The following LRFN2 variants were observed in gnomAD, a reference collection of about 807,000 sequenced individuals.
LRFN2 encodes the protein leucine-rich repeat and fibronectin type-III domain-containing protein 2.
A neutral mutation model predicts 37.3 loss-of-function variants in LRFN2; 18 were observed. The observed-to-expected ratio is 0.48, with a 90% confidence interval of 0.33 to 0.72. LRFN2 has a LOEUF of 0.72. LRFN2 is among the 30% of genes least tolerant of loss of function. The pLI is 0.02. For synonymous variants in LRFN2, 556 were observed against 466.6 expected (o/e 1.19, Z -2.47); for missense variants, 1,006 against 1,060.7 (o/e 0.95, Z 0.72).
chr6:40,434,410 T>A (rs1444506267), intron 1 of LRFN2, among the ~76,000 whole-genome samples: 1 of 152,248 alleles, frequency 6.6e-6, no homozygotes, highest in Non-Finnish European at 1.5e-5. Flanking sequence ...AGTTGGACTT[T>A]TGGAAAATCA....
At chr6:40,524,527 C>T (rs909733998) in intron 1 of LRFN2, among the ~76,000 whole-genome samples, 5 of 152,098 alleles carry the variant, frequency 3.3e-5, no homozygotes, top group African/African-American at 9.7e-5. Context: ...TCTGGGGTCC[C>T]ATTTTTGTAC....
intron 1 of LRFN2, among the ~76,000 whole-genome samples, chr6:40,535,125 AAGAG>A (rs1040091482): frequency 3.3e-5 from 5 of 152,298 alleles, no homozygotes; most frequent in Admixed American, 1.3e-4. Flanking sequence ...TAAGGTCAAG[AAGAG>A]AGAGTTTCTA....
At chr6:40,395,903 T>A (rs2916255) in intron 2 of LRFN2, among the ~76,000 whole-genome samples, 1 of 152,142 alleles carries the variant, frequency 6.6e-6, no homozygotes, top group Non-Finnish European at 1.5e-5. Context: ...TGGATGGACA[T>A]CCTTGTTTAC....
At chr6:40,512,306 C>T (rs1292729389) in intron 1 of LRFN2, among the ~76,000 whole-genome samples, 1 of 152,214 alleles carries the variant, frequency 6.6e-6, no homozygotes, top group East Asian at 1.9e-4. Context: ...AACACTGCCA[C>T]ATTCTGTCAA....
At chr6:40,429,110 T>C (rs576837037) in intron 2 of LRFN2, among the ~76,000 whole-genome samples, 65 of 152,346 alleles carry the variant, frequency 4.3e-4, no homozygotes, top group African/African-American at 1.5e-3. Context: ...GAAGTCACCA[T>C]TGTTAGCTGC....
At chr6:40,397,161 C>T (rs2070191645) in intron 2 of LRFN2, among the ~76,000 whole-genome samples, 1 of 152,208 alleles carries the variant, frequency 6.6e-6, no homozygotes, top group African/African-American at 2.4e-5. Context: ...CATCTCTGAC[C>T]TGTGTCCCCC....
Position 40,542,618 on chromosome 6 carries a change from G to A in LRFN2, c.-19+44323C>T, listed in dbSNP as rs570347871. ...CACCCTGGGCCTCTGAGCTGGGTGG[G>A]GTGGAGGGAAGTGAGATACTAAAGG... On this transcript the variant is annotated intron_variant, in intron 1 of 2. Transcript: ENST00000338305. Among the ~76,000 whole-genome samples, 314 of 152,254 alleles carry A rather than the reference G, an allele frequency of 2.1e-3. 1 individual carries two copies. Among genetic ancestry groups the A allele is most frequent in the Non-Finnish European group, 3.1e-3 (214 of 68,012 alleles).
At chr6:40,459,806 A>G (rs2113849056) in intron 1 of LRFN2, among the ~76,000 whole-genome samples, 1 of 152,312 alleles carries the variant, frequency 6.6e-6, no homozygotes, top group African/African-American at 2.4e-5. Flanking sequence ...TAATGAGAAC[A>G]TTTAATCTTT....
At chr6:40,416,917 C>T (rs1763105768) in intron 2 of LRFN2, among the ~76,000 whole-genome samples, 1 of 152,212 alleles carries the variant, frequency 6.6e-6, no homozygotes. Flanking sequence ...AAACAGGGTT[C>T]TGTTCTTAGG....
intron 1 of LRFN2, among the ~76,000 whole-genome samples, chr6:40,479,894 G>T (rs1764789011): frequency 2.0e-5 from 3 of 152,190 alleles, no homozygotes; most frequent in Admixed American, 1.3e-4. Context: ...AAATAAGTTT[G>T]GAAAAAATAA....
intron 2 of LRFN2, among the ~76,000 whole-genome samples, chr6:40,419,735 C>T (rs761171581): frequency 9.2e-5 from 14 of 152,108 alleles, no homozygotes; most frequent in East Asian, 1.9e-4. Context: ...ACCCTGACCC[C>T]GCACAGCCTC....
intron 1 of LRFN2, among the ~76,000 whole-genome samples, chr6:40,495,101 C>T (rs1765195065): frequency 6.6e-6 from 1 of 152,222 alleles, no homozygotes; most frequent in South Asian, 2.1e-4. Flanking sequence ...ACCTTTGAAC[C>T]TTTCCAGGTA....
At chr6:40,423,871 G>GT in intron 2 of LRFN2, among the ~76,000 whole-genome samples, 1 of 152,178 alleles carries the variant, frequency 6.6e-6, no homozygotes, top group Non-Finnish European at 1.5e-5. Context: ...CAGAAACTGT[G>GT]TGCTGAGGAT....
intron 1 of LRFN2, among the ~76,000 whole-genome samples, chr6:40,584,128 T>A (rs917985743): frequency 5.3e-5 from 8 of 152,182 alleles, no homozygotes; most frequent in Non-Finnish European, 1.2e-4. Context: ...TCTGATGGCA[T>A]CAAACCCTCC....
chr6:40,567,429 A>C (rs1767109831), intron 1 of LRFN2, among the ~76,000 whole-genome samples: 1 of 152,122 alleles, frequency 6.6e-6, no homozygotes, highest in African/African-American at 2.4e-5. Context: ...AGCAAAAATA[A>C]ATCTCCCTCA....
At chr6:40,479,542 T>C (rs966810271) in intron 1 of LRFN2, among the ~76,000 whole-genome samples, 1 of 152,260 alleles carries the variant, frequency 6.6e-6, no homozygotes, top group South Asian at 2.1e-4. Context: ...TGGGTCTCAC[T>C]TTCTAAAATT....
intron 1 of LRFN2, among the ~76,000 whole-genome samples, chr6:40,470,436 C>A (rs776063751): frequency 6.6e-6 from 1 of 152,112 alleles, no homozygotes; most frequent in Non-Finnish European, 1.5e-5. Context: ...ATGGTGAAAC[C>A]CCTTCTTAAC....
chr6:40,568,683 A>C (rs910788245), intron 1 of LRFN2, among the ~76,000 whole-genome samples: 3 of 96,140 alleles, frequency 3.1e-5, no homozygotes, highest in South Asian at 3.4e-4. Flanking sequence ...CGTCTCCCCC[A>C]TTTCCTTCCT....
chr6:40,436,551 G>A lies in LRFN2; in HGVS notation c.-18-3420C>T, dbSNP rs544923264. Among the ~76,000 whole-genome samples, 7 of 151,840 alleles carry A rather than the reference G, an allele frequency of 4.6e-5. No individual in the cohort carries two copies. The South Asian group carries it at 6.2e-4, about 14-fold the overall frequency. ...CATTAAAAGCCTTGGCCAAAGTGCC[G>A]AGTTCCACACAGCTCTGCCCTGGCC... On this transcript the variant is annotated intron_variant, in intron 1 of 2. Coordinates refer to ENST00000338305, the MANE Select transcript of LRFN2 (RefSeq NM_020737.3).
Sources: allele counts gnomAD v4.1 joint callset (sites outside exome capture counted in the v4.1 genomes callset), GRCh38; gene constraint gnomAD v4.1.1; transcripts MANE v1.5; gene names NCBI Gene and HGNC (gene_info 2026-07-23, HGNC 2026-07-21).